Variants in PABPC4L observed in about 807,000 individuals in gnomAD.
The protein encoded by PABPC4L is polyadenylate-binding protein 4-like.
For missense variants in PABPC4L, 452 were observed against 451.4 expected, an observed-to-expected ratio of 1.00 and a Z score of -0.01; for synonymous variants, 169 against 164.1, an observed-to-expected ratio of 1.03 and a Z score of -0.23.
the PABPC4L span, among the ~76,000 whole-genome samples, chr4:134,142,746 T>C: frequency 6.6e-6 from 1 of 151,534 alleles, no homozygotes; most frequent in African/African-American, 2.4e-5. Flanking sequence ...GTTTCTAATA[T>C]GAACACTCAA....
chr4:134,095,875 T>A, the PABPC4L span, among the ~76,000 whole-genome samples: 1 of 151,952 alleles, frequency 6.6e-6, no homozygotes, highest in Non-Finnish European at 1.5e-5. Flanking sequence ...TGCTCAAAAG[T>A]TGCACCCTGC....
chr4:133,997,262 A>T, the PABPC4L span, among the ~76,000 whole-genome samples: 1 of 152,208 alleles, frequency 6.6e-6, no homozygotes. Flanking sequence ...TTTTGTGAAG[A>T]ATACATGTCA....
chr4:134,120,989 G>T, the PABPC4L span, among the ~76,000 whole-genome samples: 1 of 150,900 alleles, frequency 6.6e-6, no homozygotes, highest in African/African-American at 2.4e-5. Context: ...TCTTTTTAGT[G>T]CTTTATTTTC....
the PABPC4L span, among the ~76,000 whole-genome samples, chr4:134,076,928 C>G: frequency 6.6e-6 from 1 of 152,094 alleles, no homozygotes; most frequent in Non-Finnish European, 1.5e-5. Context: ...GATTGCCTGT[C>G]ATAGCAATAT....
At chr4:134,137,523 T>C in the PABPC4L span, among the ~76,000 whole-genome samples, 8 of 151,912 alleles carry the variant, frequency 5.3e-5, no homozygotes, top group Non-Finnish European at 1.5e-5. Context: ...TCAAACGGCA[T>C]TCTTAACCTG....
At chr4:134,092,859 G>A in the PABPC4L span, among the ~76,000 whole-genome samples, 3 of 152,076 alleles carry the variant, frequency 2.0e-5, no homozygotes, top group Non-Finnish European at 4.4e-5. Context: ...CAATTCCCCA[G>A]TGAAAATATT....
the PABPC4L span, among the ~76,000 whole-genome samples, chr4:134,071,224 C>T: frequency 6.6e-6 from 1 of 152,084 alleles, no homozygotes; most frequent in African/African-American, 2.4e-5. Flanking sequence ...GCAGTAGTGC[C>T]ATGCAGGGTT....
At chr4:134,091,020 C>A in the PABPC4L span, among the ~76,000 whole-genome samples, 1 of 151,598 alleles carries the variant, frequency 6.6e-6, no homozygotes, top group Admixed American at 6.6e-5. Context: ...TTGGTATTAA[C>A]CTGTGCAGTG....
At chr4:134,191,281 C>T in the PABPC4L span, among the ~76,000 whole-genome samples, 1 of 152,002 alleles carries the variant, frequency 6.6e-6, no homozygotes, top group Admixed American at 6.6e-5. Flanking sequence ...CTATGTGTTT[C>T]AACCAGACGG....
At chr4:134,134,188 T>C in the PABPC4L span, among the ~76,000 whole-genome samples, 1 of 152,032 alleles carries the variant, frequency 6.6e-6, no homozygotes, top group Non-Finnish European at 1.5e-5. Flanking sequence ...TGATTTTAAG[T>C]TCTAACTATC....
At chr4:133,959,448 T>A in the PABPC4L span, among the ~76,000 whole-genome samples, 1 of 152,176 alleles carries the variant, frequency 6.6e-6, no homozygotes, top group Non-Finnish European at 1.5e-5. Context: ...AAGGGAAGTA[T>A]TTCCAGAAAG....
At chr4:134,103,757 T>C in the PABPC4L span, among the ~76,000 whole-genome samples, 1 of 151,720 alleles carries the variant, frequency 6.6e-6, no homozygotes, top group South Asian at 2.1e-4. Flanking sequence ...AAGAAATATA[T>C]TCCAATATCA....
the PABPC4L span, among the ~76,000 whole-genome samples, chr4:134,141,608 C>G: frequency 6.6e-6 from 1 of 151,262 alleles, no homozygotes; most frequent in Non-Finnish European, 1.5e-5. Context: ...TACAGGCTTC[C>G]TAATCAATGT....
the PABPC4L span, among the ~76,000 whole-genome samples, chr4:134,106,815 T>C: frequency 6.6e-6 from 1 of 151,418 alleles, no homozygotes; most frequent in African/African-American, 2.4e-5. Flanking sequence ...GCAGGCTTGA[T>C]TTATTGATTT....
At chr4:134,097,478 CAGAG>C in the PABPC4L span, among the ~76,000 whole-genome samples, 9 of 151,506 alleles carry the variant, frequency 5.9e-5, no homozygotes, top group East Asian at 1.9e-4. Context: ...AAGAGAGAAA[CAGAG>C]AGAGAGAGAC....
the PABPC4L span, among the ~76,000 whole-genome samples, chr4:134,025,777 C>A: frequency 1.3e-5 from 2 of 151,952 alleles, no homozygotes; most frequent in Non-Finnish European, 2.9e-5. Context: ...TAATCTGTTT[C>A]TAAATATTAT....
At chr4:134,173,855 T>C in the PABPC4L span, among the ~76,000 whole-genome samples, 1 of 152,076 alleles carries the variant, frequency 6.6e-6, no homozygotes, top group Non-Finnish European at 1.5e-5. Context: ...TGTATATCCA[T>C]AGTAATTAAA....
the PABPC4L span, among the ~76,000 whole-genome samples, chr4:134,068,563 T>G: frequency 8.5e-5 from 13 of 152,158 alleles, no homozygotes; most frequent in Non-Finnish European, 1.6e-4. Flanking sequence ...CATGTCATCA[T>G]GTTGTTAGCT....
chr4:134,044,357 G>A, the PABPC4L span, among the ~76,000 whole-genome samples: 13 of 152,162 alleles, frequency 8.5e-5, no homozygotes, highest in African/African-American at 2.9e-4. Context: ...TCAGCCTCCC[G>A]GGTTCACAGC....
Sources: allele counts gnomAD v4.1 joint callset (sites outside exome capture counted in the v4.1 genomes callset), GRCh38; gene constraint gnomAD v4.1.1; transcripts MANE v1.5; gene names NCBI Gene and HGNC (gene_info 2026-07-23, HGNC 2026-07-21).